Variants in ARID1B observed in about 807,000 individuals in gnomAD.
ARID1B encodes AT-rich interaction domain 1B.
Under a neutral mutation model 212.3 loss-of-function variants are expected in ARID1B, and 30 were observed. The ratio of observed to expected loss-of-function variants is 0.14; its 90% CI spans 0.11 to 0.19. The LOEUF (loss-of-function observed/expected upper bound fraction) is 0.19. Among genes scored for constraint, ARID1B ranks in the 10% least tolerant of loss-of-function variants. The probability of loss-of-function intolerance (pLI) is 1.00; values close to 1 mark genes in which losing one functional copy is unlikely to be tolerated. For missense variants in ARID1B, 2,891 were observed against 3,204.0 expected, an observed-to-expected ratio of 0.90 and a Z score of 2.36; for synonymous variants, 1,402 against 1,301.7, an observed-to-expected ratio of 1.08 and a Z score of -1.66.
chr6:156,854,513 G>A (rs1784783129), intron 2 of ARID1B, among the ~76,000 whole-genome samples: 1 of 152,244 alleles, frequency 6.6e-6, no homozygotes, highest in Non-Finnish European at 1.5e-5. Context: ...GCTCTGGGAT[G>A]TTAAGCTTAT....
intron 19 of ARID1B, chr6:157,205,506 A>G (rs1159778158): frequency 6.6e-6 from 1 of 152,252 alleles, no homozygotes; most frequent in Non-Finnish European, 1.5e-5. Flanking sequence ...AGCTAGAGTC[A>G]TAAATAACTG....
At chr6:156,863,331 G>T (rs190697810) in intron 2 of ARID1B, among the ~76,000 whole-genome samples, 1 of 152,248 alleles carries the variant, frequency 6.6e-6, no homozygotes, top group Admixed American at 6.5e-5. Context: ...CAGGGAAGTT[G>T]ATTGCATTAG....
chr6:157,013,844 C>T (rs1779754483), intron 4 of ARID1B, among the ~76,000 whole-genome samples: 2 of 152,200 alleles, frequency 1.3e-5, no homozygotes, highest in African/African-American at 4.8e-5. Flanking sequence ...GGAGTCAGCC[C>T]CCTGGGTCTG....
chr6:157,157,221 TC>T (rs1790636328), intron 8 of ARID1B, among the ~76,000 whole-genome samples: 1 of 152,152 alleles, frequency 6.6e-6, no homozygotes, highest in Non-Finnish European at 1.5e-5. Flanking sequence ...TGTCTTCACT[TC>T]CAGCTTCATG....
chr6:156,998,227 T>TTTGGTGGGCG (rs1336637460), intron 4 of ARID1B, among the ~76,000 whole-genome samples: 5 of 151,492 alleles, frequency 3.3e-5, no homozygotes, highest in African/African-American at 1.2e-4. Flanking sequence ...TTTTTTTTTT[T>TTTGGTGGGCG]TGGTGGGCGG....
chr6:156,891,767 A>T (rs1398276072), intron 2 of ARID1B, among the ~76,000 whole-genome samples: 1 of 151,948 alleles, frequency 6.6e-6, no homozygotes. Flanking sequence ...CTGTTGATGG[A>T]CATTTAAACA....
chr6:157,138,496 C>T (rs1361335018), intron 7 of ARID1B, among the ~76,000 whole-genome samples: 34 of 152,148 alleles, frequency 2.2e-4, no homozygotes, highest in Non-Finnish European at 1.5e-5. Flanking sequence ...CCTCGGCCTC[C>T]CAAAGTGCTA....
At chr6:156,968,097 G>A (rs1239482238) in intron 4 of ARID1B, among the ~76,000 whole-genome samples, 2 of 152,128 alleles carry the variant, frequency 1.3e-5, no homozygotes, top group Non-Finnish European at 2.9e-5. Context: ...CCTTCATGTA[G>A]CCACTGTCCT....
At chr6:157,051,697 C>T (rs1782616221) in intron 4 of ARID1B, among the ~76,000 whole-genome samples, 1 of 151,956 alleles carries the variant, frequency 6.6e-6, no homozygotes, top group Non-Finnish European at 1.5e-5. Flanking sequence ...ATTTATAATA[C>T]CAGGAGAATG....
chr6:157,021,845 G>A (rs560052275), intron 4 of ARID1B, among the ~76,000 whole-genome samples: 6 of 152,080 alleles, frequency 3.9e-5, no homozygotes, highest in Admixed American at 3.9e-4. Flanking sequence ...CCAGACTCAC[G>A]CAGGCACCGA....
chr6:157,098,019 T>C (rs570341813), intron 5 of ARID1B, among the ~76,000 whole-genome samples: 1 of 152,332 alleles, frequency 6.6e-6, no homozygotes, highest in South Asian at 2.1e-4. Flanking sequence ...GTCTTTCATC[T>C]GTCACTATAC....
At chr6:156,876,859 G>A (rs1021107871) in intron 2 of ARID1B, among the ~76,000 whole-genome samples, 3 of 152,164 alleles carry the variant, frequency 2.0e-5, no homozygotes, top group East Asian at 1.9e-4. Context: ...AGGATGCTGC[G>A]AATCCTTTGG....
chr6:157,083,907 G>A (rs1056034928), intron 4 of ARID1B, among the ~76,000 whole-genome samples: 2 of 152,190 alleles, frequency 1.3e-5, no homozygotes, highest in African/African-American at 4.8e-5. Flanking sequence ...GCTGCGGCAG[G>A]CAGATTGCCT....
intron 1 of ARID1B, among the ~76,000 whole-genome samples, chr6:156,782,080 G>C (rs1016630927): frequency 4.9e-4 from 70 of 141,978 alleles, no homozygotes; most frequent in African/African-American, 1.7e-3. Context: ...TGTAACATGT[G>C]GAATGTGTCT....
At chr6:156,918,959 T>G (rs1422976140) in intron 3 of ARID1B, among the ~76,000 whole-genome samples, 2 of 152,204 alleles carry the variant, frequency 1.3e-5, no homozygotes, top group African/African-American at 4.8e-5. Context: ...TGTAATTTGC[T>G]GCGTTAACAG....
chr6:156,898,307 T>G (rs1203726205), intron 2 of ARID1B, among the ~76,000 whole-genome samples: 5 of 152,162 alleles, frequency 3.3e-5, no homozygotes, highest in African/African-American at 9.7e-5. Flanking sequence ...ACAGTGAAGC[T>G]CAGGTGCTTT....
chr6:157,098,241 G>A (rs1052536962), intron 5 of ARID1B, among the ~76,000 whole-genome samples: 19 of 152,300 alleles, frequency 1.2e-4, no homozygotes, highest in South Asian at 1.0e-3. Context: ...GCGAGGATTC[G>A]AGAGAATGGA....
chr6:156,998,005 C>G (rs1242631141), intron 4 of ARID1B, among the ~76,000 whole-genome samples: 1 of 152,176 alleles, frequency 6.6e-6, no homozygotes, highest in Admixed American at 6.5e-5. Context: ...TATTTTACCT[C>G]TTTCCGTTTA....
At chr6:156,990,894 A>G (rs1452030884) in intron 4 of ARID1B, among the ~76,000 whole-genome samples, 1 of 152,240 alleles carries the variant, frequency 6.6e-6, no homozygotes, top group East Asian at 1.9e-4. Context: ...TTCATGGTGA[A>G]TCATATTTCA....
Sources: gnomAD v4.1 joint callset for allele counts (sites outside exome capture counted in the v4.1 genomes callset) on GRCh38, gnomAD v4.1.1 for gene constraint, MANE v1.5 for transcripts, NCBI Gene and HGNC (gene_info 2026-07-23, HGNC 2026-07-21) for gene names.